CREB5: variants seen among roughly 807,000 people sequenced by gnomAD.
The protein encoded by CREB5 is cyclic AMP-responsive element-binding protein 5.
CREB5 carries 19 observed loss-of-function variants against 57.1 expected under a neutral mutation model. That is an observed-to-expected ratio of 0.33 (90% CI 0.23 to 0.49). The LOEUF is 0.49. Among genes scored for constraint, CREB5 ranks in the 20% least tolerant of loss-of-function variants. The pLI is 0.99. For synonymous variants in CREB5, 238 were observed against 238.3 expected, an observed-to-expected ratio of 1.00 and a Z score of 0.01; for missense variants, 579 against 671.6, an observed-to-expected ratio of 0.86 and a Z score of 1.52.
chr7:28,445,712 T>G (rs375956870), intron 1 of CREB5, among the ~76,000 whole-genome samples: 1 of 151,884 alleles, frequency 6.6e-6, no homozygotes, highest in Admixed American at 6.6e-5. Context: ...CCACCACGCC[T>G]GGCTAATTTT....
chr7:28,311,605 T>TGA (rs1785278574), intron 1 of CREB5, among the ~76,000 whole-genome samples: 1 of 152,244 alleles, frequency 6.6e-6, no homozygotes, highest in African/African-American at 2.4e-5. Flanking sequence ...TCTCTTTCTT[T>TGA]AATTTTGACC....
intron 1 of CREB5, among the ~76,000 whole-genome samples, chr7:28,394,272 A>G (rs1017435953): frequency 1.3e-5 from 2 of 152,066 alleles, no homozygotes; most frequent in Admixed American, 1.3e-4. Flanking sequence ...AAAGCAAACA[A>G]AGAAAAAGAA....
chr7:28,434,058 CT>C (rs1228201321), intron 1 of CREB5, among the ~76,000 whole-genome samples: 1 of 151,996 alleles, frequency 6.6e-6, no homozygotes, highest in Non-Finnish European at 1.5e-5. Flanking sequence ...GAAAGGACGG[CT>C]TCTGGTTTAT....
chr7:28,775,543 C>CATATATATATATATATATATATACATAT (rs56224961), intron 7 of CREB5, among the ~76,000 whole-genome samples: 1 of 120,632 alleles, frequency 8.3e-6, no homozygotes, highest in Non-Finnish European at 1.7e-5. Flanking sequence ...ATTCCTTAGC[C>CATATATATATATATATATATATACATAT]ATATATATAT....
rs533652385 is a variant in CREB5 at position 28,433,190 on chromosome 7, C to T, written c.3+20273C>T. On this transcript the variant is annotated intron_variant, in intron 1 of 10. Coordinates refer to ENST00000357727, the MANE Select transcript of CREB5 (RefSeq NM_182898.4). Reference sequence around the variant, plus strand: ...TATTTTTCCAAAGGAATTATTCCAACGAGTAGGTGTTGATACATTTTGCTA... The same window carrying T: ...TATTTTTCCAAAGGAATTATTCCAATGAGTAGGTGTTGATACATTTTGCTA... Among the ~76,000 whole-genome samples the T allele has an allele frequency of 2.7e-4, 41 of 152,132 alleles. 1 individual carries two copies. Among genetic ancestry groups the T allele is most frequent in the South Asian group, 2.1e-3 (10 of 4,814 alleles).
chr7:28,523,122 C>G (rs1793282365), intron 4 of CREB5, among the ~76,000 whole-genome samples: 1 of 152,204 alleles, frequency 6.6e-6, no homozygotes, highest in Non-Finnish European at 1.5e-5. Flanking sequence ...TTGAGGAAAG[C>G]ACGCTTGGGT....
intron 4 of CREB5, among the ~76,000 whole-genome samples, chr7:28,536,899 A>G (rs1468841860): frequency 6.6e-6 from 1 of 152,194 alleles, no homozygotes; most frequent in Non-Finnish European, 1.5e-5. Flanking sequence ...GTAAGTGGAG[A>G]AGCCCAAATC....
upstream of CREB5, among the ~76,000 whole-genome samples, chr7:28,411,445 C>T (rs191143782): frequency 6.2e-3 from 927 of 150,404 alleles, 9 homozygotes; most frequent in African/African-American, 0.021. Flanking sequence ...AAGAGGAAGT[C>T]GAATACGTAA....
intron 5 of CREB5, among the ~76,000 whole-genome samples, chr7:28,611,489 T>TAAAAAAAAAAAAAAAA (rs59192497): frequency 2.5e-4 from 12 of 47,982 alleles, no homozygotes; most frequent in African/African-American, 1.1e-3. Flanking sequence ...CCATCTCTAC[T>TAAAAAAAAAAAAAAAA]AAAAAAAAAA....
chr7:28,570,020 A>G (rs1201233471), intron 4 of CREB5, among the ~76,000 whole-genome samples: 1 of 152,252 alleles, frequency 6.6e-6, no homozygotes, highest in East Asian at 1.9e-4. Flanking sequence ...TCACAGTATT[A>G]TGCACTTACC....
In CREB5 at chr7:28,821,811, TTTATG is replaced by T. The variant is rs1482100333; in HGVS notation, c.*2540_*2544del. On this transcript the variant is annotated 3_prime_UTR_variant, in exon 11 of 11. Coordinates refer to ENST00000357727, the MANE Select transcript of CREB5 (RefSeq NM_182898.4). Reference sequence around the variant, plus strand: ...TAGTTGGGTTTTTTAATTTTTAATTTTTATGTTATGTTTTGCTTTGTTTTAAGTAA... The same window carrying T: ...TAGTTGGGTTTTTTAATTTTTAATTTTTATGTTTTGCTTTGTTTTAAGTAA... 1 of 152,666 alleles carries T rather than the reference TTTATG, an allele frequency of 6.6e-6. No individual in the cohort carries two copies. The highest frequency in any genetic ancestry group is 1.5e-5 in the Non-Finnish European group (1 of 68,050). 9.5% of individuals were successfully genotyped at this position (152,666 alleles called of 1,614,324 possible). A position where few individuals can be genotyped will look rare whatever the true frequency, so the allele number is the denominator to read the frequency against.
At chr7:28,607,556 A>G (rs1260406894) in intron 5 of CREB5, among the ~76,000 whole-genome samples, 1 of 152,226 alleles carries the variant, frequency 6.6e-6, no homozygotes, top group Non-Finnish European at 1.5e-5. Flanking sequence ...TTTGAAAAAC[A>G]TTAAACCAGG....
chr7:28,811,762 G>A (rs1809134170), intron 9 of CREB5, among the ~76,000 whole-genome samples: 1 of 152,198 alleles, frequency 6.6e-6, no homozygotes, highest in Non-Finnish European at 1.5e-5. Flanking sequence ...AAAGATATTA[G>A]TAAGAAGGCT....
At chr7:28,499,678 G>T (rs1792197036) in intron 3 of CREB5, among the ~76,000 whole-genome samples, 1 of 152,134 alleles carries the variant, frequency 6.6e-6, no homozygotes, top group Non-Finnish European at 1.5e-5. Context: ...CTGCTTCCCG[G>T]GTTCAAGTGA....
intron 4 of CREB5, among the ~76,000 whole-genome samples, chr7:28,568,910 C>G (rs1240761870): frequency 6.6e-6 from 1 of 152,190 alleles, no homozygotes; most frequent in African/African-American, 2.4e-5. Flanking sequence ...ACTTCTAGTT[C>G]TCTTGGGTAA....
chr7:28,796,033 G>A (rs1283106096), intron 7 of CREB5, among the ~76,000 whole-genome samples: 1 of 152,122 alleles, frequency 6.6e-6, no homozygotes, highest in Non-Finnish European at 1.5e-5. Context: ...GATTACAGGT[G>A]TGAGGCACTG....
intron 5 of CREB5, among the ~76,000 whole-genome samples, chr7:28,681,368 T>TATTATC (rs1800582964): frequency 6.6e-6 from 1 of 152,132 alleles, no homozygotes; most frequent in Non-Finnish European, 1.5e-5. Flanking sequence ...TTATTACTAT[T>TATTATC]ATTATCATTA....
At chr7:28,473,393 G>C (rs923524641) in intron 1 of CREB5, among the ~76,000 whole-genome samples, 11 of 152,158 alleles carry the variant, frequency 7.2e-5, no homozygotes, top group Non-Finnish European at 1.3e-4. Flanking sequence ...ATCTCTTTCA[G>C]TGAACTCTCC....
chr7:28,671,564 T>G (rs1270262541), intron 5 of CREB5, among the ~76,000 whole-genome samples: 2 of 152,216 alleles, frequency 1.3e-5, no homozygotes, highest in African/African-American at 4.8e-5. Flanking sequence ...TGGTGGGACT[T>G]GGGTTGCTTA....
Sources: gnomAD v4.1 joint callset for allele counts (sites outside exome capture counted in the v4.1 genomes callset) on GRCh38, gnomAD v4.1.1 for gene constraint, MANE v1.5 for transcripts, NCBI Gene and HGNC (gene_info 2026-07-23, HGNC 2026-07-21) for gene names.